Variants in CUX2 observed in about 807,000 individuals in gnomAD.
CUX2 encodes the protein homeobox protein cut-like 2.
A neutral mutation model predicts 144.8 loss-of-function variants in CUX2; 40 were observed. That is an observed-to-expected ratio of 0.28 (90% CI 0.21 to 0.36). The LOEUF is 0.36. CUX2 is among the 10% of genes least tolerant of loss of function. CUX2 has a pLI of 1.00. For missense variants in CUX2, 1,615 were observed against 1,994.0 expected (o/e 0.81, Z 3.62); for synonymous variants, 827 against 875.6 (o/e 0.94, Z 0.98).
rs35869867 is a variant in CUX2 at position 111,145,714 on chromosome 12, TG to T, written c.64-68484del. Among the ~76,000 whole-genome samples, 9 of 152,180 alleles carry T rather than the reference TG, an allele frequency of 5.9e-5. No homozygotes were observed. The East Asian group carries it at 1.7e-3, about 29-fold the overall frequency. ...CTCCATCTTGCTCTGTCACCCAGGC[TG>T]GAGTGCAGTGGCGTGATCTCGGCTC... is the stretch of plus-strand genomic sequence containing the variant. On this transcript the variant is annotated intron_variant, in intron 1 of 21. Coordinates refer to ENST00000261726, the MANE Select transcript of CUX2 (RefSeq NM_015267.4).
chr12:111,084,757 C>T (rs942279296), intron 1 of CUX2, among the ~76,000 whole-genome samples: 3 of 152,144 alleles, frequency 2.0e-5, no homozygotes, highest in Non-Finnish European at 2.9e-5. Flanking sequence ...GAAAGCTTTG[C>T]GGCAGCGACG....
At chr12:111,193,762 C>T (rs1051949175) in intron 1 of CUX2, among the ~76,000 whole-genome samples, 8 of 152,300 alleles carry the variant, frequency 5.3e-5, no homozygotes, top group African/African-American at 1.9e-4. Context: ...GCTTGGCCTC[C>T]GCCTCCTGAT....
chr12:111,153,933 G>A (rs1195091739), intron 1 of CUX2, among the ~76,000 whole-genome samples: 1 of 152,172 alleles, frequency 6.6e-6, no homozygotes, highest in African/African-American at 2.4e-5. Flanking sequence ...TCCTTGGCTT[G>A]TAGATGACCA....
At chr12:111,288,316 T>C (rs1057095840) in intron 4 of CUX2, among the ~76,000 whole-genome samples, 18 of 152,106 alleles carry the variant, frequency 1.2e-4, no homozygotes, top group African/African-American at 4.1e-4. Flanking sequence ...TCTGGTGCCA[T>C]GTGGAGCATT....
Position 111,295,504 on chromosome 12 carries a change from G to A in CUX2, c.637+95G>A. 9.0e-7 allele frequency: 1 copy of A among 1,108,544 alleles called. No individual in the cohort carries two copies. The highest frequency in any genetic ancestry group is 1.3e-6 in the Non-Finnish European group (1 of 779,390). 68.7% of individuals were successfully genotyped at this position (1,108,544 alleles called of 1,614,324 possible). A position where few individuals can be genotyped will look rare whatever the true frequency, so the allele number is the denominator to read the frequency against. On this transcript the variant is annotated intron_variant, in intron 7 of 21. Transcript: ENST00000261726. The surrounding 1 kb of genome is among the most constrained non-coding windows in gnomAD (Gnocchi z 5.0). ...ACGGCTTGGGGTCTGCCACATCCAG[G>A]TGTTTTAGAATCAAGAGGGCAAAAT...
At position 111,310,600 on chromosome 12, in the gene CUX2, G is replaced by A; in HGVS notation, c.1818G>A (p.Lys606=). ...KPWRKLTVKG[K]EPFIKMKQFL... ...GGCGCAAGCTCACGGTGAAGGGCAA[G>A]GAGCCCTTCATCAAGATGAAGCAGT... Residue 606 remains lysine, a synonymous_variant, in exon 15 of 22, where the codon AAG becomes AAA. Transcript: ENST00000261726. This position sits in a 1 kb window ranked among gnomAD's most constrained non-coding sequence, Gnocchi z 7.9. 3 of 1,613,190 alleles carry A rather than the reference G, an allele frequency of 1.9e-6. No individual in the cohort carries two copies. The highest frequency in any genetic ancestry group is 1.7e-6 in the Non-Finnish European group (2 of 1,179,498).
At position 111,296,481 on chromosome 12, in the gene CUX2, G is replaced by T; in HGVS notation, c.646G>T (p.Ala216Ser). 1 of 1,608,760 alleles carries T rather than the reference G, an allele frequency of 6.2e-7. No homozygotes were observed. Among genetic ancestry groups the T allele is most frequent in the Non-Finnish European group, 8.5e-7 (1 of 1,177,446 alleles). The change falls in exon 8 of 22, where the codon GCT becomes TCT. Residue 216 changes from alanine to serine, a missense_variant. This residue lies in a region of CUX2 where 295 missense variants were observed against 400.2 expected (regional missense o/e 0.74). Coordinates refer to ENST00000261726, the MANE Select transcript of CUX2 (RefSeq NM_015267.4). ...CCTCTGCTTTCTCCCAGCGCTAAAGGCTACGCAGGCAGAGCTGCTAGAGCT... is the reference window on the plus strand; with the variant it reads ...CCTCTGCTTTCTCCCAGCGCTAAAGTCTACGCAGGCAGAGCTGCTAGAGCT... ...KIKVLHSALKATQAELLELRR... is the reference protein window; with the variant it reads ...KIKVLHSALKSTQAELLELRR...
chr12:111,313,372 C>G (rs968050538), intron 16 of CUX2, among the ~76,000 whole-genome samples: 4 of 151,330 alleles, frequency 2.6e-5, no homozygotes, highest in Admixed American at 2.6e-4. Context: ...CCCCGCCCAT[C>G]TTCTCATCTT....
intron 1 of CUX2, among the ~76,000 whole-genome samples, chr12:111,161,610 G>A (rs774434918): frequency 6.6e-6 from 1 of 152,212 alleles, no homozygotes; most frequent in Non-Finnish European, 1.5e-5. Context: ...GGAAACTGAG[G>A]TTCAGCAAAA....
chr12:111,295,491 C>A lies in CUX2; in HGVS notation c.637+82C>A. The A allele has an allele frequency of 1.7e-6, 2 of 1,204,474 alleles. No homozygotes were observed. The highest frequency in any genetic ancestry group is 2.3e-6 in the Non-Finnish European group (2 of 855,892). The allele number at this position is 1,204,474 out of a possible 1,614,324, so 74.6% of individuals were successfully genotyped here. On this transcript the variant is annotated intron_variant, in intron 7 of 21. Coordinates refer to ENST00000261726, the MANE Select transcript of CUX2 (RefSeq NM_015267.4). This position sits in a 1 kb window ranked among gnomAD's most constrained non-coding sequence, Gnocchi z 5.0. ...TCAACGAGGGGTCACGGCTTGGGGT[C>A]TGCCACATCCAGGTGTTTTAGAATC... is the stretch of plus-strand genomic sequence containing the variant.
intron 9 of CUX2, among the ~76,000 whole-genome samples, chr12:111,302,164 T>C (rs1434170068): frequency 6.6e-6 from 1 of 152,214 alleles, no homozygotes; most frequent in East Asian, 1.9e-4. Flanking sequence ...TATGCATACA[T>C]TGGGCATAGC....
chr12:111,118,905 A>T (rs2093202912), intron 1 of CUX2, among the ~76,000 whole-genome samples: 1 of 152,162 alleles, frequency 6.6e-6, no homozygotes, highest in South Asian at 2.1e-4. Context: ...GAGAAGTACA[A>T]CTCCAAGCAA....
At chr12:111,309,183 G>C (rs563217095) in intron 14 of CUX2, among the ~76,000 whole-genome samples, 1 of 152,294 alleles carries the variant, frequency 6.6e-6, no homozygotes, top group East Asian at 1.9e-4. Flanking sequence ...GGGATTACAG[G>C]CATAAGCCAC....
chr12:111,328,553 A>G (rs1592974482), intron 18 of CUX2, among the ~76,000 whole-genome samples: 1 of 142,556 alleles, frequency 7.0e-6, no homozygotes, highest in Non-Finnish European at 1.5e-5. Context: ...CTCTCTCCTG[A>G]TCTCTGTCTC....
intron 4 of CUX2, among the ~76,000 whole-genome samples, chr12:111,267,529 C>G (rs1884446934): frequency 6.6e-6 from 1 of 151,804 alleles, no homozygotes; most frequent in African/African-American, 2.4e-5. Flanking sequence ...AGACTCTGCT[C>G]CGTGTGACAA....
intron 1 of CUX2, among the ~76,000 whole-genome samples, chr12:111,046,810 C>T (rs796663178): frequency 1.3e-5 from 2 of 152,184 alleles, no homozygotes; most frequent in Non-Finnish European, 2.9e-5. Flanking sequence ...GCGTGTGCCA[C>T]TACGCCTGGC....
At chr12:111,346,652 C>G (rs1269731177) in intron 21 of CUX2, among the ~76,000 whole-genome samples, 1 of 152,170 alleles carries the variant, frequency 6.6e-6, no homozygotes, top group Non-Finnish European at 1.5e-5. Context: ...GCTGAGGAAA[C>G]AGAAACCCCT....
chr12:111,052,502 C>T (rs905397908), intron 1 of CUX2, among the ~76,000 whole-genome samples: 1 of 151,452 alleles, frequency 6.6e-6, no homozygotes, highest in African/African-American at 2.4e-5. Context: ...TATTTGTATA[C>T]TTACGTGTGT....
rs1878518251 is a variant in CUX2 at position 111,171,463 on chromosome 12, C to T, written c.64-42737C>T. ...AGTGGGAGTGGGTCTCTCTCTGACCCAATGCAAGCAGCCCGGAGACATCTT... is the reference window on the plus strand; with the variant it reads ...AGTGGGAGTGGGTCTCTCTCTGACCTAATGCAAGCAGCCCGGAGACATCTT... On this transcript the variant is annotated intron_variant, in intron 1 of 21. Transcript: ENST00000261726. This position sits in a 1 kb window ranked among gnomAD's most constrained non-coding sequence, Gnocchi z 5.0. 1.3e-5 allele frequency among the ~76,000 whole-genome samples: 2 copies of T among 152,196 alleles called. No individual in the cohort carries two copies. Among genetic ancestry groups the T allele is most frequent in the Admixed American group, 6.5e-5 (1 of 15,292 alleles).
Sources: gnomAD v4.1 joint callset for allele counts (sites outside exome capture counted in the v4.1 genomes callset) on GRCh38, gnomAD v4.1.1 for gene constraint, gnomAD v4.1.1 regional missense constraint, Gnocchi (gnomAD v3.1) non-coding constraint, MANE v1.5 for transcripts, NCBI Gene and HGNC (gene_info 2026-07-23, HGNC 2026-07-21) for gene names.